The following RELL1 variants were observed in gnomAD, a reference collection of about 807,000 sequenced individuals.
The protein encoded by RELL1 is RELT-like protein 1.
A neutral mutation model predicts 23.0 loss-of-function variants in RELL1; 10 were observed. The ratio of observed to expected loss-of-function variants is 0.43; its 90% CI spans 0.27 to 0.74. RELL1 has a LOEUF of 0.74. RELL1 is among the 30% of genes least tolerant of loss of function. The pLI is 0.19. For synonymous variants in RELL1, 146 were observed against 146.8 expected (o/e 0.99, Z 0.04); for missense variants, 315 against 364.4 (o/e 0.86, Z 1.10).
At chr4:37,626,750 G>A (rs984107147) in intron 6 of RELL1, among the ~76,000 whole-genome samples, 1 of 152,098 alleles carries the variant, frequency 6.6e-6, no homozygotes, top group African/African-American at 2.4e-5. Context: ...GGATAAACCT[G>A]GAGCACATTA....
intron 5 of RELL1, among the ~76,000 whole-genome samples, 167 bp downstream of exon 5, chr4:37,634,720 T>A (rs553885473): frequency 6.6e-6 from 1 of 152,228 alleles, no homozygotes; most frequent in Non-Finnish European, 1.5e-5. Flanking sequence ...AGGATTCTTC[T>A]GTTGTTGGAA....
rs757740077 is a variant in RELL1, at chr4:37,649,470, C to A, written c.119G>T (p.Arg40Ile). The A allele has an allele frequency of 6.2e-6, 10 of 1,614,034 alleles. No homozygotes were observed. Among genetic ancestry groups the A allele is most frequent in the Non-Finnish European group, 8.5e-6 (10 of 1,179,936 alleles). ...GCTGGGCGACGGGGTCGTCTCTGTTCTGGAGTGCAATGTGCGGCTGCTCCC... is the reference window on the plus strand; with the variant it reads ...GCTGGGCGACGGGGTCGTCTCTGTTATGGAGTGCAATGTGCGGCTGCTCCC... ...DNGSSRTLHS[R>I]TETTPSPSND... is the part of the protein sequence containing the mutation. Residue 40 changes from arginine (R) to isoleucine (I), a missense_variant, in exon 2 of 7, where the codon AGA (arginine) becomes ATA (isoleucine). Arg to Ile is a moderately conservative substitution (Grantham distance 97, BLOSUM62 -3). Transcript: ENST00000454158.
intron 1 of RELL1, among the ~76,000 whole-genome samples, chr4:37,660,411 T>C (rs547578972): frequency 4.5e-4 from 68 of 152,058 alleles, no homozygotes; most frequent in Admixed American, 3.3e-3. Flanking sequence ...CAAGCCCATC[T>C]TCCATGTCCA....
At position 37,612,955 on chromosome 4, in the gene RELL1, C is replaced by CAT. The variant is rs1241001249; in HGVS notation, c.*389_*390dup. The CAT allele has an allele frequency of 6.6e-6, 1 of 152,202 alleles. No individual in the cohort carries two copies. The highest frequency in any genetic ancestry group is 1.5e-5 in the Non-Finnish European group (1 of 68,074). 9.4% of individuals were successfully genotyped at this position (152,202 alleles called of 1,614,324 possible). Reference sequence around the variant, plus strand: ...ACACTCACGTGCACACATGCATACACATATACACACACACCCCTGAGCATA... The same window carrying CAT: ...ACACTCACGTGCACACATGCATACACATATATACACACACACCCCTGAGCATA... On this transcript the variant is annotated 3_prime_UTR_variant, in exon 7 of 7. Transcript: ENST00000454158.
At chr4:37,609,402 A>C (rs954284209), downstream of RELL1, among the ~76,000 whole-genome samples, 1 of 152,338 alleles carries the variant, frequency 6.6e-6, no homozygotes, top group South Asian at 2.1e-4. Flanking sequence ...GTTACCCAAG[A>C]GCTCTTATGG....
intron 5 of RELL1, among the ~76,000 whole-genome samples, chr4:37,632,672 A>G (rs1011104448): frequency 6.6e-6 from 1 of 152,148 alleles, no homozygotes; most frequent in Non-Finnish European, 1.5e-5. Context: ...AACACATTTT[A>G]TCAGCATTAG....
chr4:37,665,070 T>C, intron 1 of RELL1: 1 of 363,960 alleles, frequency 2.7e-6, no homozygotes, highest in South Asian at 2.1e-5. Context: ...TGCAGCAATG[T>C]TATATGTGAA....
Position 37,686,319 on chromosome 4 carries a change from C to A in RELL1, c.-32G>T, listed in dbSNP as rs565314576. 1.2e-5 allele frequency: 17 copies of A among 1,454,670 alleles called. No homozygotes were observed. The South Asian group carries it at 2.0e-4, about 17-fold the overall frequency. The allele number at this position is 1,454,670 out of a possible 1,614,324, so 90.1% of individuals were successfully genotyped here. On this transcript the variant is annotated 5_prime_UTR_variant, in exon 1 of 7. Coordinates refer to ENST00000454158, the MANE Select transcript of RELL1 (RefSeq NM_001085400.2). Reference sequence around the variant, plus strand: ...GTCGCTTCGCCCTCCTCCCCCAGGGCGCCGCGTCCCGCGCTCGGGAAGGCA... The same window carrying A: ...GTCGCTTCGCCCTCCTCCCCCAGGGAGCCGCGTCCCGCGCTCGGGAAGGCA...
At chr4:37,681,823 G>A (rs543295287) in intron 1 of RELL1, among the ~76,000 whole-genome samples, 51 of 151,908 alleles carry the variant, frequency 3.4e-4, no homozygotes, top group Non-Finnish European at 6.8e-4. Context: ...CACTGCACCC[G>A]GCTTCCTTCT....
downstream of RELL1, among the ~76,000 whole-genome samples, chr4:37,610,200 A>AAAG (rs1719331282): frequency 6.6e-6 from 1 of 152,160 alleles, no homozygotes; most frequent in Non-Finnish European, 1.5e-5. The surrounding 1 kb of genome is among the most constrained non-coding windows in gnomAD (Gnocchi z 4.1). Flanking sequence ...GCAGCAGCAA[A>AAAG]AAGATTATGA....
At chr4:37,685,802 C>T (rs1220209875) in intron 1 of RELL1, among the ~76,000 whole-genome samples, 8 of 152,240 alleles carry the variant, frequency 5.3e-5, no homozygotes, top group Non-Finnish European at 1.0e-4. Flanking sequence ...ACCCGGTGCT[C>T]TGTGTCACGA....
At chr4:37,642,107 G>A (rs1034172086) in intron 3 of RELL1, among the ~76,000 whole-genome samples, 4 of 152,166 alleles carry the variant, frequency 2.6e-5, no homozygotes, top group African/African-American at 9.7e-5. Context: ...GACAGAGGTT[G>A]AATAATGGTT....
At chr4:37,616,105 A>G (rs1159770488) in intron 6 of RELL1, among the ~76,000 whole-genome samples, 1 of 152,212 alleles carries the variant, frequency 6.6e-6, no homozygotes, top group African/African-American at 2.4e-5. Flanking sequence ...GAAAAAGTCT[A>G]TCTGATTAAT....
At chr4:37,639,949 C>T (rs771284345) in intron 3 of RELL1, among the ~76,000 whole-genome samples, 6 of 152,150 alleles carry the variant, frequency 3.9e-5, no homozygotes, top group Non-Finnish European at 7.3e-5. Flanking sequence ...ATTGCCCCAC[C>T]CAAGAGCCTT....
downstream of RELL1, among the ~76,000 whole-genome samples, chr4:37,608,468 T>TA (rs1269564648): frequency 3.3e-5 from 5 of 151,922 alleles, no homozygotes; most frequent in Admixed American, 2.0e-4. Context: ...GTGGCCTGGA[T>TA]AAAAAAATCA....
intron 1 of RELL1, among the ~76,000 whole-genome samples, chr4:37,665,951 G>A (rs952374152): frequency 1.3e-5 from 2 of 152,136 alleles, no homozygotes; most frequent in African/African-American, 4.8e-5. Context: ...TGGCTGGAGG[G>A]AAGCAAGGGC....
intron 2 of RELL1, among the ~76,000 whole-genome samples, chr4:37,648,711 G>A (rs894248621): frequency 6.6e-6 from 1 of 152,132 alleles, no homozygotes; most frequent in East Asian, 1.9e-4. Flanking sequence ...GCACACGATC[G>A]TTTACTTAAT....
At chr4:37,588,682 C>A, downstream of RELL1, 1 of 565,948 alleles carries the variant, frequency 1.8e-6, no homozygotes, top group Non-Finnish European at 3.2e-6. Flanking sequence ...ATGGGGTATT[C>A]CTGGTAACCA....
chr4:37,685,150 T>C (rs760497346), intron 1 of RELL1, among the ~76,000 whole-genome samples: 1 of 152,156 alleles, frequency 6.6e-6, no homozygotes, highest in Non-Finnish European at 1.5e-5. Context: ...AGTGTAAAAG[T>C]TGTAAGCGAC....
Sources: allele counts gnomAD v4.1 joint callset (sites outside exome capture counted in the v4.1 genomes callset), GRCh38; gene constraint gnomAD v4.1.1; non-coding constraint Gnocchi (gnomAD v3.1); transcripts MANE v1.5; gene names NCBI Gene and HGNC (gene_info 2026-07-23, HGNC 2026-07-21).